FYB2: variants seen among roughly 807,000 people sequenced by gnomAD.
The protein encoded by FYB2 is FYN binding protein 2, also known as FYN-binding protein 2.
Under a neutral mutation model 94.1 loss-of-function variants are expected in FYB2, and 103 were observed. That is an observed-to-expected ratio of 1.09 (90% CI 0.93 to 1.29). The LOEUF (loss-of-function observed/expected upper bound fraction) is 1.29, where lower values mean the gene tolerates loss of function less well. FYB2 is among the 50% of genes most tolerant of loss of function. FYB2 has a pLI of 0.00. For synonymous variants in FYB2, 293 were observed against 287.9 expected, an observed-to-expected ratio of 1.02 and a Z score of -0.18; for missense variants, 896 against 841.5, an observed-to-expected ratio of 1.06 and a Z score of -0.80.
chr1:56,823,780 A>G (rs1479186591), upstream of FYB2: 1 of 152,202 alleles, frequency 6.6e-6, no homozygotes, highest in Non-Finnish European at 1.5e-5. Context: ...TCTTGTAAAG[A>G]AATGGTCTTC....
intron 13 of FYB2, among the ~76,000 whole-genome samples, chr1:56,739,854 T>C (rs1344735352): frequency 6.6e-6 from 1 of 152,124 alleles, no homozygotes; most frequent in Non-Finnish European, 1.5e-5. Context: ...GGCTAAGCGA[T>C]GATGTTTGGT....
rs1043560348 is a variant in FYB2, at chr1:56,719,247, A to C, written c.*424T>G. 3.1e-5 allele frequency: 5 copies of C among 159,560 alleles called. No individual in the cohort carries two copies. The highest frequency in any genetic ancestry group is 2.5e-4 in the Admixed American group (4 of 16,114). 9.9% of individuals were successfully genotyped at this position (159,560 alleles called of 1,614,324 possible). A position where few individuals can be genotyped will look rare whatever the true frequency, so the allele number is the denominator to read the frequency against. The stretch of plus-strand genomic sequence containing the variant: ...ACCTTGGTTACACTGTTTACTGTTC[A>C]GAATTAAATTATACCAAGTTTGAGT... On this transcript the variant is annotated 3_prime_UTR_variant, in exon 20 of 20. Coordinates refer to ENST00000343433, the MANE Select transcript of FYB2 (RefSeq NM_001004303.5).
intron 6 of FYB2, among the ~76,000 whole-genome samples, chr1:56,757,844 G>T (rs1411303756): frequency 2.0e-5 from 3 of 149,050 alleles, no homozygotes; most frequent in African/African-American, 4.9e-5. Context: ...ATATCGGCTC[G>T]CTGCAACCTC....
intron 1 of FYB2, among the ~76,000 whole-genome samples, chr1:56,804,333 T>G (rs1646588967): frequency 6.6e-6 from 1 of 152,082 alleles, no homozygotes; most frequent in South Asian, 2.1e-4. Context: ...ATGAAATGAG[T>G]GAATATATTT....
At chr1:56,822,146 C>G (rs560211841), upstream of FYB2, among the ~76,000 whole-genome samples, 79 of 152,258 alleles carry the variant, frequency 5.2e-4, no homozygotes, top group African/African-American at 1.8e-3. Context: ...TTGCGAGCAT[C>G]ATTTTATTTA....
At chr1:56,797,994 T>TGAAG (rs1220123266) in intron 1 of FYB2, among the ~76,000 whole-genome samples, 1 of 152,156 alleles carries the variant, frequency 6.6e-6, no homozygotes. Context: ...AAGGAATGAA[T>TGAAG]CCTTAATTCA....
At chr1:56,816,131 G>A (rs369081316) in intron 1 of FYB2, among the ~76,000 whole-genome samples, 2 of 152,174 alleles carry the variant, frequency 1.3e-5, no homozygotes, top group East Asian at 3.9e-4. Context: ...AAACTGAGTG[G>A]CCTAAAACAA....
At chr1:56,750,895 C>T in intron 9 of FYB2, 149 bp downstream of exon 9, 2 of 820,784 alleles carry the variant, frequency 2.4e-6, no homozygotes, top group Non-Finnish European at 3.6e-6. Context: ...TGTTTTTTTC[C>T]ACTACTGCAC....
In FYB2 at chr1:56,792,292, C is replaced by T. The variant is rs1377733201; in HGVS notation, c.521G>A (p.Gly174Asp). The T allele has an allele frequency of 1.2e-6, 2 of 1,614,076 alleles. No individual in the cohort carries two copies. Among genetic ancestry groups the T allele is most frequent in the East Asian group, 2.2e-5 (1 of 44,870 alleles). ...GGGTTCCTCTGGAGTAAGCCCCATG[C>T]CTTTTTGCCCTTCCAGATGGATGGC... The part of the protein sequence containing the change: ...SKAIHLEGQK[G>D]MGLTPEEPRK... Residue 174 changes from glycine to aspartate, a missense_variant, in exon 2 of 20, where the codon GGC becomes GAC. Gly to Asp is a moderately conservative substitution (Grantham distance 94). Coordinates refer to ENST00000343433, the MANE Select transcript of FYB2 (RefSeq NM_001004303.5).
chr1:56,825,856 T>G, the FYB2 span, among the ~76,000 whole-genome samples: 1 of 152,172 alleles, frequency 6.6e-6, no homozygotes, highest in African/African-American at 2.4e-5. Context: ...CATAGATACC[T>G]CAAACTAAAC....
chr1:56,746,098 T>C (rs1645061200), intron 9 of FYB2, among the ~76,000 whole-genome samples: 1 of 151,900 alleles, frequency 6.6e-6, no homozygotes, highest in Non-Finnish European at 1.5e-5. Context: ...ATATTTACTA[T>C]TAATACCATT....
chr1:56,780,997 C>A (rs1645996228), intron 4 of FYB2, among the ~76,000 whole-genome samples: 1 of 152,150 alleles, frequency 6.6e-6, no homozygotes, highest in African/African-American at 2.4e-5. Flanking sequence ...GACTTCCTGG[C>A]CTGCTTTCAC....
chr1:56,814,970 G>A (rs1646848969), intron 1 of FYB2, among the ~76,000 whole-genome samples: 1 of 152,176 alleles, frequency 6.6e-6, no homozygotes, highest in South Asian at 2.1e-4. Context: ...AGCATGACAA[G>A]ACCTCAGTGA....
At chr1:56,821,880 T>C (rs1646994925), upstream of FYB2, among the ~76,000 whole-genome samples, 1 of 152,124 alleles carries the variant, frequency 6.6e-6, no homozygotes, top group Admixed American at 6.5e-5. Flanking sequence ...ATTGCTGACA[T>C]TGTGGGGAAA....
intron 2 of FYB2, among the ~76,000 whole-genome samples, chr1:56,789,966 C>G (rs764211585): frequency 2.0e-5 from 3 of 152,114 alleles, no homozygotes; most frequent in Non-Finnish European, 2.9e-5. Context: ...TATCTGGGCA[C>G]CTGTGTCCTG....
intron 5 of FYB2, chr1:56,762,115 A>G (rs1265937354): frequency 1.3e-5 from 2 of 152,192 alleles, no homozygotes; most frequent in Admixed American, 1.3e-4. Context: ...TGCCAATACC[A>G]GATAGTCTTG....
chr1:56,794,736 C>T (rs1570183371), intron 1 of FYB2, among the ~76,000 whole-genome samples: 1 of 152,062 alleles, frequency 6.6e-6, no homozygotes, highest in Non-Finnish European at 1.5e-5. Context: ...TTTAACCACA[C>T]TTTCTCTCCC....
upstream of FYB2, chr1:56,819,577 G>A (rs1010903832): frequency 2.0e-5 from 11 of 559,396 alleles, no homozygotes; most frequent in Admixed American, 2.8e-4. Context: ...CCTCTTCTCA[G>A]CAAGCGGCTC....
chr1:56,795,349 A>G (rs144324406), intron 1 of FYB2, among the ~76,000 whole-genome samples: 1,922 of 152,290 alleles, frequency 0.013, 32 homozygotes, highest in Admixed American at 0.047. Context: ...CATAGTGTAT[A>G]TATAACACAT....
Sources: allele counts gnomAD v4.1 joint callset (sites outside exome capture counted in the v4.1 genomes callset), GRCh38; gene constraint gnomAD v4.1.1; transcripts MANE v1.5; gene names NCBI Gene and HGNC (gene_info 2026-07-23, HGNC 2026-07-21).